MAPK10: variants seen among roughly 807,000 people sequenced by gnomAD.
MAPK10 encodes the protein JNK3 alpha protein kinase.
A neutral mutation model predicts 59.3 loss-of-function variants in MAPK10; 25 were observed. The observed-to-expected ratio is 0.42, with a 90% confidence interval of 0.31 to 0.59. The LOEUF (loss-of-function observed/expected upper bound fraction) is 0.59. Among genes scored for constraint, MAPK10 ranks in the 20% least tolerant of loss-of-function variants. The pLI is 0.15. For synonymous variants in MAPK10, 190 were observed against 200.5 expected (o/e 0.95, Z 0.44); for missense variants, 351 against 568.9 (o/e 0.62, Z 3.90).
At chr4:86,519,223 T>A (rs1316591524) in intron 1 of MAPK10, among the ~76,000 whole-genome samples, 1 of 152,202 alleles carries the variant, frequency 6.6e-6, no homozygotes, top group Non-Finnish European at 1.5e-5. Context: ...ATCGAAGTCC[T>A]CCACTATTAT....
At chr4:86,331,004 T>C (rs1578364779) in intron 2 of MAPK10, among the ~76,000 whole-genome samples, 1 of 152,260 alleles carries the variant, frequency 6.6e-6, no homozygotes, top group East Asian at 1.9e-4. Context: ...AGATAATAAA[T>C]ATTTGTTGAA....
intron 1 of MAPK10, among the ~76,000 whole-genome samples, chr4:86,387,217 G>A (rs1016035844): frequency 6.6e-6 from 1 of 152,092 alleles, no homozygotes; most frequent in African/African-American, 2.4e-5. Flanking sequence ...TTGGGGAAGT[G>A]GGCAATGATG....
intron 2 of MAPK10, among the ~76,000 whole-genome samples, chr4:86,330,828 C>T (rs2096135449): frequency 6.6e-6 from 1 of 152,068 alleles, no homozygotes. Flanking sequence ...TTGACATAGT[C>T]ATAATGGGGA....
intron 3 of MAPK10, 43 bp downstream of exon 3, chr4:86,194,293 A>C: frequency 1.4e-6 from 2 of 1,463,932 alleles, no homozygotes; most frequent in Non-Finnish European, 1.9e-6. Flanking sequence ...TGGAAATACA[A>C]GGGAATATAC....
chr4:86,547,543 C>T (rs1481077112), intron 1 of MAPK10, among the ~76,000 whole-genome samples: 1 of 152,202 alleles, frequency 6.6e-6, no homozygotes, highest in African/African-American at 2.4e-5. Flanking sequence ...CTCCCCCGCG[C>T]TCCCTGGGCT....
intron 7 of MAPK10, 60 bp from the exon 8 acceptor site, chr4:86,101,277 T>C: frequency 4.4e-6 from 6 of 1,370,564 alleles, no homozygotes; most frequent in South Asian, 2.5e-5. Context: ...GTTATTTCCA[T>C]TGACTCAATC....
chr4:86,155,343 A>G (rs1055152095), intron 4 of MAPK10, among the ~76,000 whole-genome samples: 3 of 151,950 alleles, frequency 2.0e-5, no homozygotes, highest in African/African-American at 7.2e-5. Flanking sequence ...TTTGTCCAAA[A>G]CAAAAAGATA....
intron 2 of MAPK10, among the ~76,000 whole-genome samples, chr4:86,224,430 C>A (rs2090254294): frequency 6.6e-6 from 1 of 151,890 alleles, no homozygotes; most frequent in African/African-American, 2.4e-5. Flanking sequence ...TAGAAGTGCA[C>A]TAGGTAAAAA....
intron 7 of MAPK10, 51 bp from the exon 8 acceptor site, chr4:86,101,268 T>C: frequency 7.0e-7 from 1 of 1,427,432 alleles, no homozygotes; most frequent in East Asian, 2.3e-5. Context: ...AAGTGAAATG[T>C]TATTTCCATT....
intron 1 of MAPK10, among the ~76,000 whole-genome samples, chr4:86,548,823 A>C (rs1759513994): frequency 6.6e-6 from 1 of 152,220 alleles, no homozygotes; most frequent in South Asian, 2.1e-4. Flanking sequence ...ACAATAAGAC[A>C]GCTTAGAAGG....
At chr4:86,186,367 G>A (rs1468794422) in intron 3 of MAPK10, among the ~76,000 whole-genome samples, 2 of 152,066 alleles carry the variant, frequency 1.3e-5, no homozygotes, top group Non-Finnish European at 2.9e-5. Flanking sequence ...ACAGTTTAGG[G>A]AGATGAGAGA....
intron 2 of MAPK10, among the ~76,000 whole-genome samples, chr4:86,279,194 T>C (rs1054614479): frequency 2.0e-5 from 3 of 152,194 alleles, no homozygotes; most frequent in Non-Finnish European, 4.4e-5. Flanking sequence ...TTATAGTATA[T>C]GGAGAAAAAC....
intron 3 of MAPK10, chr4:86,193,806 A>G (rs6818726): frequency 0.083 from 13,120 of 158,398 alleles, 1,223 homozygotes; most frequent in African/African-American, 0.23. Flanking sequence ...TGGGGTATGA[A>G]AAGAATCTCT....
At chr4:86,363,889 C>T (rs888276856), upstream of MAPK10, among the ~76,000 whole-genome samples, 1 of 150,396 alleles carries the variant, frequency 6.6e-6, no homozygotes, top group Non-Finnish European at 1.5e-5. Flanking sequence ...CTCAAGGGGT[C>T]CTCCCAGCTC....
At chr4:86,346,263 C>G (rs1212054131) in intron 2 of MAPK10, among the ~76,000 whole-genome samples, 2 of 152,080 alleles carry the variant, frequency 1.3e-5, no homozygotes, top group East Asian at 1.9e-4. Context: ...CAGGACAACC[C>G]CGGAGGATAC....
At chr4:86,434,552 G>GT (rs1413547128) in intron 1 of MAPK10, among the ~76,000 whole-genome samples, 1 of 152,128 alleles carries the variant, frequency 6.6e-6, no homozygotes, top group Non-Finnish European at 1.5e-5. Flanking sequence ...CCTGCTCAAC[G>GT]TAAGTAACCA....
intron 3 of MAPK10, among the ~76,000 whole-genome samples, chr4:86,186,614 ATTCT>A (rs1385498298): frequency 6.6e-6 from 1 of 152,118 alleles, no homozygotes; most frequent in Non-Finnish European, 1.5e-5. Flanking sequence ...GATTCATGTC[ATTCT>A]TTATTTAAAA....
At chr4:86,406,747 C>G (rs951688266) in intron 1 of MAPK10, among the ~76,000 whole-genome samples, 1 of 152,110 alleles carries the variant, frequency 6.6e-6, no homozygotes, top group Admixed American at 6.6e-5. Context: ...CAGAAAGAGT[C>G]CAGTGGTGAC....
intron 2 of MAPK10, among the ~76,000 whole-genome samples, chr4:86,353,185 C>T (rs992696042): frequency 6.6e-6 from 1 of 152,082 alleles, no homozygotes; most frequent in Non-Finnish European, 1.5e-5. Flanking sequence ...TAGACCTACC[C>T]ATGTAATAGC....
Sources: gnomAD v4.1 joint callset for allele counts (sites outside exome capture counted in the v4.1 genomes callset) on GRCh38, gnomAD v4.1.1 for gene constraint, MANE v1.5 for transcripts, NCBI Gene and HGNC (gene_info 2026-07-23, HGNC 2026-07-21) for gene names.